Variants in PMFBP1 observed in about 807,000 individuals in gnomAD.
The protein encoded by PMFBP1 is polyamine modulated factor 1 binding protein 1, also known as polyamine-modulated factor 1-binding protein 1.
PMFBP1 carries 131 observed loss-of-function variants against 137.8 expected under a neutral mutation model. That is an observed-to-expected ratio of 0.95 (90% CI 0.82 to 1.10). The LOEUF is 1.10. PMFBP1 is among the 50% of genes least tolerant of loss of function. The probability of loss-of-function intolerance (pLI) is 0.00; values close to 1 mark genes in which losing one functional copy is unlikely to be tolerated. For synonymous variants in PMFBP1, 490 were observed against 450.4 expected (o/e 1.09, Z -1.11); for missense variants, 1,199 against 1,175.4 (o/e 1.02, Z -0.29).
intron 3 of PMFBP1, among the ~76,000 whole-genome samples, chr16:72,158,741 C>A (rs1346283194): frequency 6.6e-6 from 1 of 152,132 alleles, no homozygotes; most frequent in Non-Finnish European, 1.5e-5. Flanking sequence ...TCCCTATAAT[C>A]CCAGCACTTT....
chr16:72,153,921 TACACACACACACACACACACAC>T lies in PMFBP1; in HGVS notation c.414+268_414+289del, dbSNP rs3223525. ...TAATAGAATGGAGAAGATGGACTTA[TACACACACACACACACACACAC>T]ACACACACACACACACACATGCCTG... On this transcript the variant is annotated intron_variant, in intron 4 of 20. Transcript: ENST00000237353. Among the ~76,000 whole-genome samples, 6 of 134,044 alleles carry T rather than the reference TACACACACACACACACACACAC, an allele frequency of 4.5e-5. No homozygotes were observed. In the South Asian group the frequency reaches 1.4e-3, roughly 31 times the overall value. 87.9% of individuals were successfully genotyped at this position (134,044 alleles called of 152,430 possible).
At chr16:72,249,681 C>T in the PMFBP1 span, among the ~76,000 whole-genome samples, 1 of 151,094 alleles carries the variant, frequency 6.6e-6, no homozygotes, top group African/African-American at 2.4e-5. Context: ...CGTTGAGAGG[C>T]TTAGGCAGGT....
At chr16:72,247,458 T>C in the PMFBP1 span, among the ~76,000 whole-genome samples, 2 of 152,204 alleles carry the variant, frequency 1.3e-5, no homozygotes, top group African/African-American at 4.8e-5. Flanking sequence ...TTCTAACTTA[T>C]CCTTGTGACT....
At chr16:72,175,031 ACAC>A (rs1226888560), upstream of PMFBP1, among the ~76,000 whole-genome samples, 1 of 152,120 alleles carries the variant, frequency 6.6e-6, no homozygotes, top group Non-Finnish European at 1.5e-5. Flanking sequence ...ACATACACAC[ACAC>A]CACATGAGAG....
At chr16:72,248,412 G>A in the PMFBP1 span, among the ~76,000 whole-genome samples, 1 of 152,266 alleles carries the variant, frequency 6.6e-6, no homozygotes, top group East Asian at 1.9e-4. Flanking sequence ...GCAAAGCAAT[G>A]ATATGGACCT....
At chr16:72,131,832 C>T (rs757084677) in intron 10 of PMFBP1, among the ~76,000 whole-genome samples, 1 of 152,190 alleles carries the variant, frequency 6.6e-6, no homozygotes, top group Non-Finnish European at 1.5e-5. Context: ...ATTCATATAA[C>T]ATAAATTTAG....
chr16:72,184,354 C>T, the PMFBP1 span, among the ~76,000 whole-genome samples: 11 of 152,186 alleles, frequency 7.2e-5, no homozygotes, highest in African/African-American at 2.7e-4. Flanking sequence ...CTCCACTGAC[C>T]CACAGGCTTC....
chr16:72,239,564 T>C, the PMFBP1 span, among the ~76,000 whole-genome samples: 2 of 152,142 alleles, frequency 1.3e-5, no homozygotes, highest in African/African-American at 2.4e-5. Flanking sequence ...TACAATCATG[T>C]CTGGTTTATC....
intron 3 of PMFBP1, among the ~76,000 whole-genome samples, chr16:72,158,557 A>G (rs2043015579): frequency 6.6e-6 from 1 of 152,118 alleles, no homozygotes; most frequent in Admixed American, 6.5e-5. Context: ...TCCTGCTTAC[A>G]TAGTAAGTTA....
intron 9 of PMFBP1, among the ~76,000 whole-genome samples, chr16:72,135,806 C>T (rs960422732): frequency 7.9e-6 from 1 of 126,276 alleles, no homozygotes; most frequent in Non-Finnish European, 1.5e-5. Flanking sequence ...GAGTGCATGG[C>T]ATGATCACGA....
At chr16:72,195,730 CA>C in the PMFBP1 span, among the ~76,000 whole-genome samples, 18 of 152,220 alleles carry the variant, frequency 1.2e-4, 1 homozygote, top group Non-Finnish European at 8.8e-5. Flanking sequence ...GGAGCGTTCT[CA>C]GGGAAAAGCT....
intron 5 of PMFBP1, among the ~76,000 whole-genome samples, chr16:72,148,457 C>T (rs2042848551): frequency 6.6e-6 from 1 of 152,144 alleles, no homozygotes; most frequent in Admixed American, 6.5e-5. Context: ...CAACATGGCA[C>T]ATGTTTACCT....
chr16:72,202,967 CTGTT>C, the PMFBP1 span, among the ~76,000 whole-genome samples: 4 of 152,212 alleles, frequency 2.6e-5, no homozygotes, highest in African/African-American at 9.7e-5. Flanking sequence ...AACCTAGTGT[CTGTT>C]TCTTTGGCTT....
chr16:72,141,685 AT>A (rs1306079761), intron 5 of PMFBP1, among the ~76,000 whole-genome samples: 1 of 152,074 alleles, frequency 6.6e-6, no homozygotes, highest in Non-Finnish European at 1.5e-5. Flanking sequence ...ACTGATGAGA[AT>A]ATAGGTTGTT....
the PMFBP1 span, among the ~76,000 whole-genome samples, chr16:72,249,368 GA>G: frequency 3.8e-3 from 520 of 136,598 alleles, 1 homozygote; most frequent in Non-Finnish European, 3.6e-3. Flanking sequence ...CCCAAAGTTT[GA>G]AAAAAAAAAA....
chr16:72,245,984 G>T, the PMFBP1 span, among the ~76,000 whole-genome samples: 1 of 152,144 alleles, frequency 6.6e-6, no homozygotes, highest in African/African-American at 2.4e-5. Context: ...AGAGATCATG[G>T]CAGAATAAAC....
At chr16:72,140,859 T>C (rs1370956917) in intron 5 of PMFBP1, among the ~76,000 whole-genome samples, 3 of 151,950 alleles carry the variant, frequency 2.0e-5, no homozygotes, top group African/African-American at 7.2e-5. Context: ...TACCAGCTTT[T>C]TGGATATCAT....
intron 5 of PMFBP1, among the ~76,000 whole-genome samples, chr16:72,147,614 C>T (rs2042829535): frequency 6.6e-6 from 1 of 151,946 alleles, no homozygotes; most frequent in South Asian, 2.1e-4. Flanking sequence ...AAAATGTTTG[C>T]AATCTATCCA....
rs765750389 is a variant in PMFBP1, at chr16:72,171,244, G to A, written c.-36C>T. ...GCTCTCAATTCTCCTTTAACCTTTA[G>A]TATTTTCTGAGCTTTGTTATAAACC... On this transcript the variant is annotated 5_prime_UTR_variant, in exon 2 of 21. Coordinates refer to ENST00000237353, the MANE Select transcript of PMFBP1 (RefSeq NM_031293.3). 7 of 1,611,864 alleles carry A rather than the reference G, an allele frequency of 4.3e-6. No homozygotes were observed. The highest frequency in any genetic ancestry group is 5.9e-6 in the Non-Finnish European group (7 of 1,178,392).
Sources: gnomAD v4.1 joint callset for allele counts (sites outside exome capture counted in the v4.1 genomes callset) on GRCh38, gnomAD v4.1.1 for gene constraint, MANE v1.5 for transcripts, NCBI Gene and HGNC (gene_info 2026-07-23, HGNC 2026-07-21) for gene names.